DNAH2: variants seen among roughly 807,000 people sequenced by gnomAD.
DNAH2 encodes the protein axonemal beta dynein heavy chain 2.
In DNAH2, 323 loss-of-function variants were observed where a neutral mutation model predicts 523.5. That is an observed-to-expected ratio of 0.62 (90% CI 0.56 to 0.68). DNAH2 has a LOEUF of 0.68. Among genes scored for constraint, DNAH2 ranks in the 30% least tolerant of loss-of-function variants. DNAH2 has a pLI of 0.00. For synonymous variants in DNAH2, 2,093 were observed against 2,177.4 expected (o/e 0.96, Z 1.08); for missense variants, 4,907 against 5,701.5 (o/e 0.86, Z 4.49).
Position 7,818,432 on chromosome 17 carries a change from CCATCGT to C in DNAH2, c.10511_10516del (p.Ile3504_Val3505del). The C allele has an allele frequency of 6.2e-7, 1 of 1,614,208 alleles. No homozygotes were observed. The highest frequency in any genetic ancestry group is 8.5e-7 in the Non-Finnish European group (1 of 1,180,024). Reference sequence around the variant, plus strand: ...AGCCCAGAGACCTCAGCCAAGACCACCATCGTCAACTTTGCTGTTAAAGAACAGGTG... The same window carrying C: ...AGCCCAGAGACCTCAGCCAAGACCACCAACTTTGCTGTTAAAGAACAGGTG... On this transcript the variant is annotated inframe_deletion, in exon 69 of 86. Coordinates refer to ENST00000572933, the MANE Select transcript of DNAH2 (RefSeq NM_020877.5).
chr17:7,720,351 T>C (rs1308495260), intron 2 of DNAH2, among the ~76,000 whole-genome samples: 1 of 152,236 alleles, frequency 6.6e-6, no homozygotes, highest in Admixed American at 6.5e-5. Flanking sequence ...CGGCTGATGC[T>C]TTCTACCATC....
intron 22 of DNAH2, 67 bp from the exon 23 acceptor site, chr17:7,767,833 C>T: frequency 6.2e-7 from 1 of 1,603,414 alleles, no homozygotes; most frequent in Non-Finnish European, 8.5e-7. Flanking sequence ...CAGCGAAGGG[C>T]CTGGGCGTCC....
chr17:7,815,646 GTATACGGGATCACACACA>G (rs1413936368), intron 63 of DNAH2, among the ~76,000 whole-genome samples: 3 of 128,474 alleles, frequency 2.3e-5, no homozygotes, highest in Non-Finnish European at 3.4e-5. Flanking sequence ...TCACACACAC[GTATACGGGATCACACACA>G]TATACGGGAT....
intron 73 of DNAH2, 108 bp from the exon 74 acceptor site, chr17:7,823,334 A>G: frequency 9.6e-7 from 1 of 1,037,290 alleles, no homozygotes. Context: ...TCCCACCGAG[A>G]GAGAGAAAAA....
chr17:7,742,312 TC>T (rs2075377425), intron 11 of DNAH2, among the ~76,000 whole-genome samples: 1 of 152,058 alleles, frequency 6.6e-6, no homozygotes, highest in Non-Finnish European at 1.5e-5. Context: ...GCACCTGTAA[TC>T]CCAGCTATTT....
chr17:7,734,757 G>A, intron 7 of DNAH2, 49 bp downstream of exon 7: 2 of 1,585,444 alleles, frequency 1.3e-6, no homozygotes, highest in Non-Finnish European at 1.7e-6. Flanking sequence ...GTGGGCAATG[G>A]TTGGGATGAT....
In DNAH2 at chr17:7,727,222, C is replaced by A. The variant is rs755653472; in HGVS notation, c.329C>A (p.Thr110Lys). Residue 110 changes from threonine to lysine, a missense_variant, in exon 4 of 86, where the codon ACA becomes AAA. Physicochemically the swap from Thr to Lys is moderately conservative, Grantham distance 78 (BLOSUM62 -1). This residue lies in a region of DNAH2 where 2,806 missense variants were observed against 3,190.8 expected (regional missense o/e 0.88). Transcript: ENST00000572933. ...CTGGAACACTTTGCCCAGGACCCTA[C>A]AGAATCCATCCTCACCATCTTCATT... ...AILEHFAQDP[T>K]ESILTIFIDP... 6.8e-6 allele frequency: 11 copies of A among 1,611,628 alleles called. No homozygotes were observed. The highest frequency in any genetic ancestry group is 1.3e-5 in the African/African-American group (1 of 74,788).
In DNAH2 at chr17:7,797,178, G is replaced by T; in HGVS notation, c.7866G>T (p.Val2622=). 1 of 1,612,446 alleles carries T rather than the reference G, an allele frequency of 6.2e-7. No individual in the cohort carries two copies. The highest frequency in any genetic ancestry group is 1.1e-5 in the South Asian group (1 of 91,020). The change falls in exon 51 of 86, where the codon GTG becomes GTT. Residue 2622 remains valine, a splice_region_variant and synonymous_variant. Coordinates refer to ENST00000572933, the MANE Select transcript of DNAH2 (RefSeq NM_020877.5). ...YLFNLRDISK[V]FQGMLRANKD... ...CCAACAGTCAGTCCTCTTCCCAGGT[G>T]TTCCAGGGCATGCTTAGAGCCAACA... is the stretch of plus-strand genomic sequence containing the variant.
chr17:7,741,040 G>C (rs765818198), intron 11 of DNAH2, 48 bp downstream of exon 11: 1 of 1,556,654 alleles, frequency 6.4e-7, no homozygotes, highest in Non-Finnish European at 8.7e-7. Flanking sequence ...AGACCGCCAG[G>C]AGGGATGGGG....
At chr17:7,723,790 A>G (rs2074708240) in intron 3 of DNAH2, 101 bp downstream of exon 3, 1 of 990,352 alleles carries the variant, frequency 1.0e-6, no homozygotes, top group African/African-American at 1.6e-5. Context: ...CTTGTCTGCC[A>G]CTTCTTCTAC....
At chr17:7,739,708 A>G (rs2075250378) in intron 8 of DNAH2, 25 bp from the exon 9 acceptor site, 1 of 1,601,282 alleles carries the variant, frequency 6.2e-7, no homozygotes, top group Non-Finnish European at 8.5e-7. Context: ...GAAAGCAGGA[A>G]CCCTCATGCT....
rs1567625056 is a variant in DNAH2, at chr17:7,741,300, T to TTCTTC, written c.1689+308_1689+309insTCTTC. On this transcript the variant is annotated intron_variant, in intron 11 of 85. Coordinates refer to ENST00000572933, the MANE Select transcript of DNAH2 (RefSeq NM_020877.5). ...TTTCTTTCTTTCTTTCTTTCTTCCT[T>TTCTTC]CCTTCCCTCCCTCCCTCCCTCCCTC... is the stretch of plus-strand genomic sequence containing the variant. Among the ~76,000 whole-genome samples, 90 of 44,836 alleles carry TTCTTC rather than the reference T, an allele frequency of 2.0e-3. 1 individual carries two copies. Among genetic ancestry groups the TTCTTC allele is most frequent in the South Asian group, 6.9e-3 (5 of 726 alleles). 29.4% of individuals were successfully genotyped at this position (44,836 alleles called of 152,430 possible). A position where few individuals can be genotyped will look rare whatever the true frequency, so the allele number is the denominator to read the frequency against.
rs1270683946 is a variant in DNAH2 at position 7,780,801 on chromosome 17, C to A, written c.6003+19C>A. The A allele has an allele frequency of 3.7e-6, 6 of 1,614,046 alleles. No homozygotes were observed. In the South Asian group the frequency reaches 6.6e-5, roughly 18 times the overall value. ...TGAAGAGGTAGAGCAAGGACACAGC[C>A]TTTGGACCTGACTTCCACTGTCACT... On this transcript the variant is annotated intron_variant, in intron 38 of 85. Transcript: ENST00000572933. The surrounding 1 kb of genome is among the most constrained non-coding windows in gnomAD (Gnocchi z 4.4).
intron 39 of DNAH2, among the ~76,000 whole-genome samples, chr17:7,782,120 A>C (rs148635595): frequency 3.3e-5 from 5 of 152,298 alleles, no homozygotes; most frequent in African/African-American, 1.2e-4. Flanking sequence ...TCTCCCTGAA[A>C]ACTGTTGTTG....
chr17:7,745,597 G>A lies in DNAH2; in HGVS notation c.1904+2455G>A, dbSNP rs544059867. 4.6e-5 allele frequency among the ~76,000 whole-genome samples: 7 copies of A among 151,566 alleles called. No homozygotes were observed. In the East Asian group the frequency reaches 1.2e-3, roughly 25 times the overall value. ...TTTGGAAGGCCAAGGCGGGAGGATCGCTTGAGCCCAGGAGTCCAAGATCAG... is the reference window on the plus strand; with the variant it reads ...TTTGGAAGGCCAAGGCGGGAGGATCACTTGAGCCCAGGAGTCCAAGATCAG... On this transcript the variant is annotated intron_variant, in intron 12 of 85. Coordinates refer to ENST00000572933, the MANE Select transcript of DNAH2 (RefSeq NM_020877.5).
intron 77 of DNAH2, among the ~76,000 whole-genome samples, chr17:7,825,303 T>G (rs2077988580): frequency 6.6e-6 from 1 of 152,244 alleles, no homozygotes. Flanking sequence ...TCACCCCTGC[T>G]TAAACTATTT....
chr17:7,757,381 C>T (rs966470584), intron 13 of DNAH2, 144 bp downstream of exon 13: 3 of 1,091,310 alleles, frequency 2.7e-6, no homozygotes, highest in East Asian at 5.1e-5. Context: ...TTGTCTCCCA[C>T]TCTTACGGCC....
At chr17:7,822,183 C>A (rs2151332575) in intron 73 of DNAH2, among the ~76,000 whole-genome samples, 1 of 152,346 alleles carries the variant, frequency 6.6e-6, no homozygotes, top group South Asian at 2.1e-4. Context: ...GTTGCCCAGG[C>A]TGGTCTCGAA....
rs2075947754 is a variant in DNAH2 at position 7,759,588 on chromosome 17, A to G, written c.2615A>G (p.Asp872Gly). The change falls in exon 16 of 86, where the codon GAT becomes GGT. Residue 872 changes from aspartate (D) to glycine (G), a missense_variant. Transcript: ENST00000572933. ...CAAGTCCTTGTCATTTTGAAGAATG[A>G]TCTGCAAGGAAGTGTGGCACAGGTA... is the stretch of plus-strand genomic sequence containing the variant. ...LFQVLVILKNDLQGSVAQVEF... is the reference protein window; with the variant it reads ...LFQVLVILKNGLQGSVAQVEF... The G allele has an allele frequency of 2.5e-6, 4 of 1,613,994 alleles. No individual in the cohort carries two copies. The highest frequency in any genetic ancestry group is 3.4e-6 in the Non-Finnish European group (4 of 1,179,988).
Sources: gnomAD v4.1 joint callset for allele counts (sites outside exome capture counted in the v4.1 genomes callset) on GRCh38, gnomAD v4.1.1 for gene constraint, gnomAD v4.1.1 regional missense constraint, Gnocchi (gnomAD v3.1) non-coding constraint, MANE v1.5 for transcripts, NCBI Gene and HGNC (gene_info 2026-07-23, HGNC 2026-07-21) for gene names.